Variants in KIAA1217 observed in about 807,000 individuals in gnomAD.
KIAA1217 encodes sickle tail protein homolog.
Under a neutral mutation model 163.9 loss-of-function variants are expected in KIAA1217, and 88 were observed. That is an observed-to-expected ratio of 0.54 (90% confidence interval 0.45 to 0.64). The LOEUF is 0.64. Among genes scored for constraint, KIAA1217 ranks in the 30% least tolerant of loss-of-function variants. The pLI is 0.00. For synonymous variants in KIAA1217, 903 were observed against 923.1 expected, an observed-to-expected ratio of 0.98 and a Z score of 0.39; for missense variants, 2,372 against 2,475.0, an observed-to-expected ratio of 0.96 and a Z score of 0.88.
At chr10:23,925,714 C>T (rs1002109406) in intron 1 of KIAA1217, among the ~76,000 whole-genome samples, 3 of 152,138 alleles carry the variant, frequency 2.0e-5, no homozygotes, top group Admixed American at 1.3e-4. Flanking sequence ...AAGTGGAACA[C>T]GCCCTAAGTG....
At chr10:23,949,341 T>C (rs1468195039) in intron 1 of KIAA1217, among the ~76,000 whole-genome samples, 1 of 152,208 alleles carries the variant, frequency 6.6e-6, no homozygotes, top group Non-Finnish European at 1.5e-5. Context: ...AGCCTGATTA[T>C]TTTTTAGTTG....
Position 23,815,190 on chromosome 10 carries a change from T to A in KIAA1217, c.-321+119956T>A, listed in dbSNP as rs185089082. 1.5e-3 allele frequency among the ~76,000 whole-genome samples: 225 copies of A among 152,274 alleles called. 13 individuals are homozygous for A. The East Asian group carries it at 0.028, about 19-fold the overall frequency. ...TAAAATTGAGGCAAAGGTTTTTTTT[T>A]AAAATCATTTTGTAACATCTTACAG... On this transcript the variant is annotated intron_variant, in intron 1 of 18. Transcript: ENST00000376462.
Position 24,524,511 on chromosome 10 carries a change from T to C in KIAA1217, c.2645T>C (p.Met882Thr). ...TCGGAAGTGGTGCCTTTGTCCGGCA[T>C]GATGGTTCGCCACGCGCAGAGCTCC... ...AKSEVVPLSG[M>T]MVRHAQSSPV... The change falls in exon 13 of 21, where the codon ATG becomes ACG. Residue 882 changes from methionine to threonine, a missense_variant. Met to Thr is a moderately conservative substitution (Grantham distance 81). Transcript: ENST00000376454. 6 of 1,614,144 alleles carry C rather than the reference T, an allele frequency of 3.7e-6. No homozygotes were observed. The highest frequency in any genetic ancestry group is 5.1e-6 in the Non-Finnish European group (6 of 1,180,046).
chr10:23,704,172 G>GTGTTTATATATATATATATA, intron 1 of KIAA1217, among the ~76,000 whole-genome samples: 1 of 39,948 alleles, frequency 2.5e-5, no homozygotes, highest in Admixed American at 3.1e-4. Context: ...GTGTGTGTGT[G>GTGTTTATATATATATATATA]TATATATATA....
chr10:24,065,098 G>C (rs895775849), intron 2 of KIAA1217, among the ~76,000 whole-genome samples: 2 of 152,066 alleles, frequency 1.3e-5, no homozygotes, highest in African/African-American at 4.8e-5. Flanking sequence ...ACCAGCTCCT[G>C]GATTCATTGA....
At chr10:24,123,277 T>TTAC (rs1396487337) in intron 2 of KIAA1217, among the ~76,000 whole-genome samples, 2 of 152,126 alleles carry the variant, frequency 1.3e-5, no homozygotes, top group Non-Finnish European at 2.9e-5. Flanking sequence ...GTAACTTTGT[T>TTAC]TACATTCAAC....
At chr10:24,290,244 A>G (rs547232342) in intron 2 of KIAA1217, among the ~76,000 whole-genome samples, 44 of 152,292 alleles carry the variant, frequency 2.9e-4, no homozygotes, top group Non-Finnish European at 2.9e-4. Flanking sequence ...TCTTCAATGA[A>G]CAGTGGGCTC....
At chr10:24,035,076 G>A (rs746457836) in intron 2 of KIAA1217, among the ~76,000 whole-genome samples, 32 of 152,242 alleles carry the variant, frequency 2.1e-4, no homozygotes, top group Non-Finnish European at 3.8e-4. Context: ...TTGCTTTGTC[G>A]AGAAGAGGGC....
At chr10:23,947,482 A>C (rs1844110539) in intron 1 of KIAA1217, among the ~76,000 whole-genome samples, 1 of 152,178 alleles carries the variant, frequency 6.6e-6, no homozygotes, top group South Asian at 2.1e-4. Context: ...GGTCCTATAC[A>C]TTTCATCTCA....
intron 2 of KIAA1217, among the ~76,000 whole-genome samples, chr10:24,237,146 T>C (rs1461855069): frequency 6.6e-6 from 1 of 152,218 alleles, no homozygotes; most frequent in Non-Finnish European, 1.5e-5. Flanking sequence ...CACAATGTCA[T>C]TAAGGCTTAG....
intron 2 of KIAA1217, among the ~76,000 whole-genome samples, chr10:24,141,213 G>A (rs1348333218): frequency 1.5e-5 from 2 of 135,342 alleles, no homozygotes; most frequent in African/African-American, 2.7e-5. Flanking sequence ...TTAATGCTCA[G>A]AGAAAGAATA....
intron 2 of KIAA1217, among the ~76,000 whole-genome samples, chr10:24,064,849 T>C (rs1368599262): frequency 6.6e-6 from 1 of 152,250 alleles, no homozygotes; most frequent in Non-Finnish European, 1.5e-5. Flanking sequence ...GAGATTCAAC[T>C]TCTTCCTGAT....
intron 5 of KIAA1217, among the ~76,000 whole-genome samples, chr10:24,464,825 C>G (rs2062778551): frequency 1.3e-5 from 2 of 152,148 alleles, no homozygotes; most frequent in Non-Finnish European, 2.9e-5. Context: ...CATGGCATGA[C>G]TTGCTTAGCC....
chr10:23,917,229 G>A lies in KIAA1217; in HGVS notation c.-320-89996G>A, dbSNP rs189973823. Among the ~76,000 whole-genome samples the A allele has an allele frequency of 3.8e-4, 58 of 152,236 alleles. 4 individuals carry two copies. Among genetic ancestry groups the A allele is most frequent in the Admixed American group, 1.0e-3 (16 of 15,284 alleles). On this transcript the variant is annotated intron_variant, in intron 1 of 18. Transcript: ENST00000376462. Reference sequence around the variant, plus strand: ...AACTGAGATAAAGACAGCATTGCACGCAGACCTCCACTGAGTCCATATTCA... The same window carrying A: ...AACTGAGATAAAGACAGCATTGCACACAGACCTCCACTGAGTCCATATTCA...
At chr10:24,442,014 A>G (rs946046518) in intron 5 of KIAA1217, among the ~76,000 whole-genome samples, 3 of 152,178 alleles carry the variant, frequency 2.0e-5, no homozygotes, top group Admixed American at 2.0e-4. Context: ...CAACTTTCCA[A>G]GACTCTCTGC....
chr10:23,996,325 T>G (rs1846480103), intron 1 of KIAA1217, among the ~76,000 whole-genome samples: 1 of 152,138 alleles, frequency 6.6e-6, no homozygotes, highest in African/African-American at 2.4e-5. Context: ...ACAGGGAAGG[T>G]ATTGCATTTG....
At chr10:24,088,269 ATATATACACACATATATGTG>A (rs1174540030) in intron 2 of KIAA1217, among the ~76,000 whole-genome samples, 2 of 108,196 alleles carry the variant, frequency 1.8e-5, no homozygotes, top group African/African-American at 5.9e-5. Context: ...ATATATATAT[ATATATACACACATATATGTG>A]TATATATATA....
intron 2 of KIAA1217, among the ~76,000 whole-genome samples, chr10:24,316,369 A>G (rs894036916): frequency 1.3e-5 from 2 of 152,328 alleles, no homozygotes; most frequent in Admixed American, 6.5e-5. Flanking sequence ...GTGACTTTCA[A>G]TTTTAAAACT....
At chr10:24,022,016 T>C (rs1341495224) in intron 2 of KIAA1217, among the ~76,000 whole-genome samples, 1 of 151,752 alleles carries the variant, frequency 6.6e-6, no homozygotes, top group Non-Finnish European at 1.5e-5. Flanking sequence ...AATCTTTTAA[T>C]CATTTAAGAT....
Sources: gnomAD v4.1 joint callset for allele counts (sites outside exome capture counted in the v4.1 genomes callset) on GRCh38, gnomAD v4.1.1 for gene constraint, MANE v1.5 for transcripts, NCBI Gene and HGNC (gene_info 2026-07-23, HGNC 2026-07-21) for gene names.